The following ATP2C1 variants were observed in gnomAD, a reference collection of about 807,000 sequenced individuals.
ATP2C1 encodes ATPase secretory pathway Ca2+ transporting 1, also known as calcium-transporting ATPase type 2C member 1.
A neutral mutation model predicts 120.5 loss-of-function variants in ATP2C1; 31 were observed. That is an observed-to-expected ratio of 0.26 (90% CI 0.19 to 0.35). The LOEUF is 0.35. ATP2C1 is among the 10% of genes least tolerant of loss of function. The probability of loss-of-function intolerance (pLI) is 1.00; values close to 1 mark genes in which losing one functional copy is unlikely to be tolerated. For missense variants in ATP2C1, 731 were observed against 1,107.5 expected (o/e 0.66, Z 4.83); for synonymous variants, 351 against 358.7 (o/e 0.98, Z 0.24).
intron 3 of ATP2C1, among the ~76,000 whole-genome samples, chr3:130,931,372 A>T (rs1167586938): frequency 1.3e-5 from 2 of 152,126 alleles, no homozygotes; most frequent in Non-Finnish European, 2.9e-5. Flanking sequence ...GAAGAAGTTC[A>T]TCTGAACTTC....
At chr3:130,864,298 G>A (rs1162507368) in intron 1 of ATP2C1, among the ~76,000 whole-genome samples, 1 of 152,136 alleles carries the variant, frequency 6.6e-6, no homozygotes, top group Admixed American at 6.6e-5. Context: ...ATGATTTAGG[G>A]TATCTGACAG....
Position 130,959,348 on chromosome 3 carries a change from C to A in ATP2C1, c.899+7C>A, listed in dbSNP as rs138771987. On this transcript the variant is annotated splice_region_variant and intron_variant, in intron 12 of 27. Transcript: ENST00000510168. ...TGTTTACTATTAGTGTAAGGTAAGT[C>A]TCAATACTTTATAATTGGAGTCTCT... 3.8e-6 allele frequency: 6 copies of A among 1,588,214 alleles called. No individual in the cohort carries two copies. In the African/African-American group the frequency reaches 6.7e-5, roughly 18 times the overall value.
intron 11 of ATP2C1, among the ~76,000 whole-genome samples, chr3:130,957,290 CATT>C (rs574957469): frequency 1.4e-3 from 210 of 152,228 alleles, no homozygotes; most frequent in African/African-American, 4.7e-3. Flanking sequence ...TTTATTAAAA[CATT>C]GTTGTATAGT....
intron 1 of ATP2C1, among the ~76,000 whole-genome samples, chr3:130,881,976 A>G (rs1367531202): frequency 1.3e-5 from 2 of 152,186 alleles, no homozygotes; most frequent in Non-Finnish European, 2.9e-5. Context: ...TTTTTCCAAT[A>G]TATAGTCATA....
At chr3:130,981,835 A>G (rs757922938) in intron 20 of ATP2C1, among the ~76,000 whole-genome samples, 2 of 152,156 alleles carry the variant, frequency 1.3e-5, no homozygotes, top group Non-Finnish European at 1.5e-5. Flanking sequence ...TCATATGCTT[A>G]TTTGCCATCC....
At chr3:130,851,071 A>G in intron 1 of ATP2C1, 2 of 408,188 alleles carry the variant, frequency 4.9e-6, no homozygotes, top group Non-Finnish European at 4.2e-6. Flanking sequence ...AGACTTGGCA[A>G]TCAGAAAGCA....
chr3:130,907,217 T>C (rs562573463), intron 2 of ATP2C1, among the ~76,000 whole-genome samples: 3 of 152,188 alleles, frequency 2.0e-5, no homozygotes, highest in East Asian at 3.9e-4. Flanking sequence ...ATCAGAGATA[T>C]GGTTTGTAAA....
intron 22 of ATP2C1, among the ~76,000 whole-genome samples, chr3:130,994,901 A>C (rs1416356173): frequency 6.6e-6 from 1 of 152,210 alleles, no homozygotes; most frequent in Admixed American, 6.5e-5. Flanking sequence ...TCCTGGATTC[A>C]GCTAAATGAA....
intron 2 of ATP2C1, among the ~76,000 whole-genome samples, chr3:130,926,133 G>C (rs2059194363): frequency 6.6e-6 from 1 of 152,054 alleles, no homozygotes; most frequent in South Asian, 2.1e-4. Flanking sequence ...TTCTTCAAAG[G>C]GTCTGTGGAT....
At chr3:130,887,491 A>T (rs939051125) in intron 1 of ATP2C1, among the ~76,000 whole-genome samples, 1 of 152,142 alleles carries the variant, frequency 6.6e-6, no homozygotes, top group East Asian at 1.9e-4. Flanking sequence ...AAATCCTTGT[A>T]TGTCTACCTG....
At chr3:130,935,019 G>A (rs530986712) in intron 5 of ATP2C1, among the ~76,000 whole-genome samples, 1 of 152,170 alleles carries the variant, frequency 6.6e-6, no homozygotes, top group Admixed American at 6.5e-5. Flanking sequence ...TTTTTGTAAA[G>A]ACAGGGTCTT....
chr3:130,932,393 T>C (rs2059487607), intron 4 of ATP2C1, among the ~76,000 whole-genome samples: 1 of 152,158 alleles, frequency 6.6e-6, no homozygotes, highest in South Asian at 2.1e-4. Context: ...TAGTGTCCTT[T>C]GCTGATATCA....
intron 8 of ATP2C1, among the ~76,000 whole-genome samples, chr3:130,943,694 C>T (rs1331609760): frequency 6.6e-6 from 1 of 152,128 alleles, no homozygotes; most frequent in African/African-American, 2.4e-5. Context: ...TATAGTTGAA[C>T]ATTTTTTATT....
chr3:130,930,160 G>A (rs562586243), intron 2 of ATP2C1: 7 of 458,100 alleles, frequency 1.5e-5, no homozygotes, highest in East Asian at 1.4e-4. Flanking sequence ...GAGAAATAGC[G>A]TGCTTTTCAT....
At chr3:130,873,245 C>T (rs2107782705) in intron 1 of ATP2C1, among the ~76,000 whole-genome samples, 1 of 152,126 alleles carries the variant, frequency 6.6e-6, no homozygotes, top group East Asian at 1.9e-4. Flanking sequence ...ATTGTGGAAA[C>T]ATTGAGGGAT....
chr3:130,965,555 G>A (rs189344923), intron 14 of ATP2C1, among the ~76,000 whole-genome samples: 3 of 152,168 alleles, frequency 2.0e-5, no homozygotes, highest in Non-Finnish European at 2.9e-5. Context: ...AGCCGTACAT[G>A]TTCTGTCCCT....
Position 130,999,904 on chromosome 3 carries a change from T to C in ATP2C1, c.2629+245T>C, listed in dbSNP as rs551834523. Among the ~76,000 whole-genome samples, 12 of 152,308 alleles carry C rather than the reference T, an allele frequency of 7.9e-5. No individual in the cohort carries two copies. The South Asian group carries it at 1.9e-3, about 24-fold the overall frequency. On this transcript the variant is annotated intron_variant, in intron 27 of 27. Coordinates refer to ENST00000510168, the MANE Select transcript of ATP2C1 (RefSeq NM_001378687.1). Reference sequence around the variant, plus strand: ...AATCATAATACGTGATTCTCAAATATAGCAAATCAAAACCTGCTCTAGAGT... The same window carrying C: ...AATCATAATACGTGATTCTCAAATACAGCAAATCAAAACCTGCTCTAGAGT...
In ATP2C1 at chr3:130,852,212, A is replaced by T. The variant is rs995232714; in HGVS notation, c.108+1284A>T. On this transcript the variant is annotated intron_variant, in intron 1 of 26. Coordinates refer to the ATP2C1 transcript ENST00000504381. ...GTAGAAAGCTAGAGAACCAAGTGGT[A>T]GGGCTGTATAAGTTTTTGTTTGCCA... Among the ~76,000 whole-genome samples the T allele has an allele frequency of 5.9e-5, 9 of 152,222 alleles. No homozygotes were observed. In the South Asian group the frequency reaches 1.9e-3, roughly 32 times the overall value.
chr3:130,913,033 C>T (rs762409145), intron 2 of ATP2C1, among the ~76,000 whole-genome samples: 12 of 135,564 alleles, frequency 8.9e-5, no homozygotes, highest in Admixed American at 7.3e-4. Context: ...TATTCTCACT[C>T]ATAGGTGGGA....
Sources: allele counts gnomAD v4.1 joint callset (sites outside exome capture counted in the v4.1 genomes callset), GRCh38; gene constraint gnomAD v4.1.1; transcripts MANE v1.5; gene names NCBI Gene and HGNC (gene_info 2026-07-23, HGNC 2026-07-21).